GLRA3: variants seen among roughly 807,000 people sequenced by gnomAD.
GLRA3 encodes glycine receptor subunit alpha-3.
GLRA3 carries 44 observed loss-of-function variants against 60.4 expected under a neutral mutation model. The ratio of observed to expected loss-of-function variants is 0.73; its 90% CI spans 0.57 to 0.94. The LOEUF (loss-of-function observed/expected upper bound fraction) is 0.94. Among genes scored for constraint, GLRA3 ranks in the 40% least tolerant of loss-of-function variants. GLRA3 has a pLI of 0.00. For missense variants in GLRA3, 508 were observed against 564.6 expected (o/e 0.90, Z 1.02); for synonymous variants, 223 against 192.9 (o/e 1.16, Z -1.29).
At chr4:174,704,675 C>A (rs2111059937) in intron 5 of GLRA3, among the ~76,000 whole-genome samples, 1 of 143,664 alleles carries the variant, frequency 7.0e-6, no homozygotes, top group South Asian at 2.2e-4. Flanking sequence ...TCACTATAGC[C>A]AAAATATGAA....
intron 5 of GLRA3, among the ~76,000 whole-genome samples, chr4:174,706,097 G>A (rs1186106321): frequency 1.3e-5 from 2 of 152,072 alleles, no homozygotes; most frequent in Admixed American, 1.3e-4. Flanking sequence ...GGGCGTGGTG[G>A]CGGGCACCTG....
chr4:174,729,698 G>T (rs2111136476), intron 3 of GLRA3, among the ~76,000 whole-genome samples: 1 of 152,176 alleles, frequency 6.6e-6, no homozygotes, highest in South Asian at 2.1e-4. Flanking sequence ...CTAGATTTTT[G>T]AAATGAGCCA....
intron 3 of GLRA3, among the ~76,000 whole-genome samples, chr4:174,756,683 T>C (rs931054805): frequency 5.9e-5 from 9 of 151,460 alleles, no homozygotes; most frequent in Non-Finnish European, 1.0e-4. Flanking sequence ...CTCGCTCTTT[T>C]GCCCAGGCTG....
At chr4:174,666,744 ATATATATATATATAT>A (rs1733682206) in intron 7 of GLRA3, among the ~76,000 whole-genome samples, 1 of 68,614 alleles carries the variant, frequency 1.5e-5, no homozygotes, top group Admixed American at 1.5e-4. Context: ...ATAAGAATAT[ATATATATATATATAT>A]TATATATATA....
intron 5 of GLRA3, among the ~76,000 whole-genome samples, chr4:174,699,827 T>G (rs984490823): frequency 5.3e-5 from 8 of 150,052 alleles, no homozygotes; most frequent in African/African-American, 1.9e-4. Flanking sequence ...TAATAATTTA[T>G]TTGTTAATTA....
intron 2 of GLRA3, among the ~76,000 whole-genome samples, chr4:174,778,825 C>T (rs969660302): frequency 2.6e-5 from 4 of 152,226 alleles, no homozygotes; most frequent in African/African-American, 7.2e-5. Flanking sequence ...GGTCCTACCC[C>T]ACGGAGTCTC....
chr4:174,682,775 G>A (rs767333354), intron 6 of GLRA3, 27 bp downstream of exon 6: 2 of 1,535,660 alleles, frequency 1.3e-6, no homozygotes, highest in Admixed American at 3.5e-5. Flanking sequence ...CAAGTAGTAA[G>A]TGTAAAGAAC....
chr4:174,796,016 T>C (rs140467345), intron 1 of GLRA3, among the ~76,000 whole-genome samples: 31 of 152,304 alleles, frequency 2.0e-4, no homozygotes, highest in African/African-American at 6.3e-4. Context: ...GGTCTCAATG[T>C]CATATGGTCT....
rs535164400 is a variant in GLRA3 at position 174,691,395 on chromosome 4, C to T, written c.575-8456G>A. On this transcript the variant is annotated intron_variant, in intron 5 of 9. Coordinates refer to ENST00000274093, the MANE Select transcript of GLRA3 (RefSeq NM_006529.4). ...CTCCCCTCTCCCCTCTCTCTCCCCA[C>T]GGTCTCCCTCTCCCTCTCTTTCCAC... Among the ~76,000 whole-genome samples the T allele has an allele frequency of 4.9e-4, 74 of 152,182 alleles. 1 individual carries two copies. The highest frequency in any genetic ancestry group is 3.4e-3 in the Middle Eastern group (1 of 294).
chr4:174,737,293 G>A (rs1016342464), intron 3 of GLRA3, among the ~76,000 whole-genome samples: 1 of 151,988 alleles, frequency 6.6e-6, no homozygotes, highest in Non-Finnish European at 1.5e-5. Context: ...TCTATTTAAA[G>A]GTTCACACTT....
intron 2 of GLRA3, among the ~76,000 whole-genome samples, chr4:174,782,864 A>G (rs1252384897): frequency 6.6e-6 from 1 of 152,114 alleles, no homozygotes; most frequent in East Asian, 1.9e-4. Flanking sequence ...GGGTAGGAAG[A>G]ATCAATATCC....
intron 5 of GLRA3, among the ~76,000 whole-genome samples, chr4:174,707,525 G>T (rs909043181): frequency 6.6e-6 from 1 of 152,024 alleles, no homozygotes. Context: ...CTGTCACGGG[G>T]GGGAAGCCCT....
intron 2 of GLRA3, among the ~76,000 whole-genome samples, chr4:174,783,182 G>A (rs1305207851): frequency 6.6e-6 from 1 of 151,530 alleles, no homozygotes; most frequent in East Asian, 1.9e-4. Context: ...ACAACTATCT[G>A]ATCTTTGACA....
intron 7 of GLRA3, among the ~76,000 whole-genome samples, chr4:174,672,875 C>A (rs915341347): frequency 4.6e-5 from 7 of 152,002 alleles, no homozygotes; most frequent in Admixed American, 4.6e-4. Context: ...GATTCCCCCA[C>A]CCTGCCAAGT....
chr4:174,752,917 T>C (rs1737544778), intron 3 of GLRA3, among the ~76,000 whole-genome samples: 1 of 152,186 alleles, frequency 6.6e-6, no homozygotes, highest in Non-Finnish European at 1.5e-5. Flanking sequence ...GAAAAGATGC[T>C]GCAGATTATA....
chr4:174,660,822 T>C (rs1165459452), intron 7 of GLRA3, among the ~76,000 whole-genome samples: 2 of 152,260 alleles, frequency 1.3e-5, no homozygotes, highest in Non-Finnish European at 2.9e-5. Flanking sequence ...TATAAACTTA[T>C]GGATAACTGT....
chr4:174,677,842 C>A (rs1734191812), intron 6 of GLRA3, among the ~76,000 whole-genome samples: 1 of 152,158 alleles, frequency 6.6e-6, no homozygotes, highest in Non-Finnish European at 1.5e-5. Flanking sequence ...AAGTGCTTTA[C>A]ACTTGTCAAG....
At chr4:174,766,914 A>T in intron 3 of GLRA3, 49 bp downstream of exon 3, 1 of 893,758 alleles carries the variant, frequency 1.1e-6, no homozygotes, top group Non-Finnish European at 1.8e-6. Flanking sequence ...CCATTAATGT[A>T]ATTACAGATT....
At chr4:174,677,586 C>T (rs1196039945) in intron 6 of GLRA3, among the ~76,000 whole-genome samples, 1 of 151,566 alleles carries the variant, frequency 6.6e-6, no homozygotes, top group Non-Finnish European at 1.5e-5. Context: ...TGTCGAATTC[C>T]TGACCTCAGG....
Sources: allele counts gnomAD v4.1 joint callset (sites outside exome capture counted in the v4.1 genomes callset), GRCh38; gene constraint gnomAD v4.1.1; transcripts MANE v1.5; gene names NCBI Gene and HGNC (gene_info 2026-07-23, HGNC 2026-07-21).